Variants in CD96 observed in about 807,000 individuals in gnomAD.
CD96 encodes the protein T-cell surface protein tactile.
A neutral mutation model predicts 71.3 loss-of-function variants in CD96; 70 were observed. That is an observed-to-expected ratio of 0.98 (90% CI 0.81 to 1.20). CD96 has a LOEUF of 1.20. Among genes scored for constraint, CD96 ranks in the 50% most tolerant of loss-of-function variants. CD96 has a pLI of 0.00. For synonymous variants in CD96, 248 were observed against 233.0 expected, an observed-to-expected ratio of 1.06 and a Z score of -0.59; for missense variants, 742 against 677.5, an observed-to-expected ratio of 1.10 and a Z score of -1.06.
At chr3:111,593,628 T>G in intron 5 of CD96, 1 of 1,595,786 alleles carries the variant, frequency 6.3e-7, no homozygotes, top group Non-Finnish European at 8.6e-7. Context: ...ACCTTCCACT[T>G]CATCTCCAGG....
chr3:111,596,701 A>C (rs1372516890), intron 5 of CD96, among the ~76,000 whole-genome samples: 1 of 152,176 alleles, frequency 6.6e-6, no homozygotes, highest in Non-Finnish European at 1.5e-5. Context: ...GATAAAAATC[A>C]ATCTTTGGCA....
chr3:111,625,907 A>G (rs1009343977), intron 10 of CD96, among the ~76,000 whole-genome samples: 5 of 152,246 alleles, frequency 3.3e-5, no homozygotes, highest in Non-Finnish European at 7.3e-5. Flanking sequence ...TTTTACATCA[A>G]GAGATTACAA....
In CD96 at chr3:111,548,437, C is replaced by T. The variant is rs901929377; in HGVS notation, c.418+3035C>T. ...AACAGTGTGAGGTTTGCCTCTTTTTCGCTTTCACTTGACAGAGTTTCCTCC... is the reference window on the plus strand; with the variant it reads ...AACAGTGTGAGGTTTGCCTCTTTTTTGCTTTCACTTGACAGAGTTTCCTCC... On this transcript the variant is annotated intron_variant, in intron 2 of 13. Coordinates refer to ENST00000352690, the MANE Select transcript of CD96 (RefSeq NM_005816.5). 5.3e-5 allele frequency among the ~76,000 whole-genome samples: 8 copies of T among 152,230 alleles called. 1 individual carries two copies. Among genetic ancestry groups the T allele is most frequent in the Admixed American group, 1.3e-4 (2 of 15,286 alleles).
chr3:111,544,406 GT>G (rs1934274398), intron 1 of CD96, among the ~76,000 whole-genome samples: 1 of 152,114 alleles, frequency 6.6e-6, no homozygotes, highest in Non-Finnish European at 1.5e-5. Flanking sequence ...GCCTCCCAAA[GT>G]GCTGGGATTA....
At chr3:111,617,492 A>G (rs1222319339) in intron 8 of CD96, among the ~76,000 whole-genome samples, 1 of 152,206 alleles carries the variant, frequency 6.6e-6, no homozygotes, top group Non-Finnish European at 1.5e-5. Context: ...AGAAGTCAAG[A>G]CTACCAGCTG....
At chr3:111,617,997 C>T (rs1938329544) in intron 8 of CD96, among the ~76,000 whole-genome samples, 1 of 152,250 alleles carries the variant, frequency 6.6e-6, no homozygotes, top group African/African-American at 2.4e-5. Flanking sequence ...GCAGCAGAAA[C>T]TGCTTGCCAT....
intron 12 of CD96, among the ~76,000 whole-genome samples, chr3:111,642,400 A>G (rs1190956897): frequency 6.6e-6 from 1 of 152,224 alleles, no homozygotes; most frequent in Admixed American, 6.5e-5. Flanking sequence ...CCTAGAAGAG[A>G]TGGATAAATT....
intron 7 of CD96, 100 bp downstream of exon 7, chr3:111,601,014 T>C (rs1937473450): frequency 2.5e-6 from 2 of 788,250 alleles, no homozygotes; most frequent in Non-Finnish European, 4.2e-6. Flanking sequence ...AACGTTTTAA[T>C]CTCAGAAAAC....
intron 14 of CD96, among the ~76,000 whole-genome samples, chr3:111,663,090 G>A (rs1244523324): frequency 6.6e-6 from 1 of 152,150 alleles, no homozygotes; most frequent in African/African-American, 2.4e-5. Context: ...CAAACATGGT[G>A]GAAGGGCAAA....
intron 12 of CD96, 123 bp from the exon 13 acceptor site, chr3:111,647,420 T>A: frequency 3.4e-6 from 3 of 894,404 alleles, no homozygotes. Context: ...CATGCCCACC[T>A]CCAGAGTATG....
At chr3:111,565,231 A>C (rs1479250974) in intron 2 of CD96, among the ~76,000 whole-genome samples, 1 of 152,140 alleles carries the variant, frequency 6.6e-6, no homozygotes, top group African/African-American at 2.4e-5. Context: ...CTGCACAGTT[A>C]CTGATAGCAC....
At chr3:111,618,582 CTTTTTTTT>C (rs35004472) in intron 8 of CD96, among the ~76,000 whole-genome samples, 1 of 123,968 alleles carries the variant, frequency 8.1e-6, no homozygotes, top group South Asian at 2.6e-4. Context: ...TTATTTCTCT[CTTTTTTTT>C]TTTTTTTTTT....
chr3:111,642,308 G>C (rs770138712), intron 12 of CD96, among the ~76,000 whole-genome samples: 2 of 152,162 alleles, frequency 1.3e-5, no homozygotes, highest in Non-Finnish European at 2.9e-5. Flanking sequence ...AATGAAATGG[G>C]AGATATTACA....
intron 3 of CD96, among the ~76,000 whole-genome samples, chr3:111,568,845 C>T (rs961393481): frequency 6.6e-6 from 1 of 152,068 alleles, no homozygotes; most frequent in Non-Finnish European, 1.5e-5. Flanking sequence ...ATACAGTAAA[C>T]CCCTAAAACT....
intron 2 of CD96, among the ~76,000 whole-genome samples, chr3:111,555,287 T>G (rs1339801941): frequency 6.6e-6 from 1 of 152,306 alleles, no homozygotes; most frequent in Non-Finnish European, 1.5e-5. Context: ...CATATATAAT[T>G]TTTCATATTT....
chr3:111,582,898 C>A (rs986242458), intron 4 of CD96, among the ~76,000 whole-genome samples: 9 of 152,120 alleles, frequency 5.9e-5, no homozygotes, highest in African/African-American at 2.2e-4. Context: ...ATAATTTCAC[C>A]CATGGCCTGT....
rs570289756 is a variant in CD96 at position 111,602,731 on chromosome 3, G to C, written c.1087+1817G>C. On this transcript the variant is annotated intron_variant, in intron 7 of 13. Coordinates refer to ENST00000352690, the MANE Select transcript of CD96 (RefSeq NM_005816.5). ...GAACTCCGGAGTAAACTTCTGATGTGTGGTGCAAGAGTCATTGCCTTACCA... is the reference window on the plus strand; with the variant it reads ...GAACTCCGGAGTAAACTTCTGATGTCTGGTGCAAGAGTCATTGCCTTACCA... Among the ~76,000 whole-genome samples, 3 of 152,286 alleles carry C rather than the reference G, an allele frequency of 2.0e-5. No individual in the cohort carries two copies. In the South Asian group the frequency reaches 6.2e-4, roughly 32 times the overall value.
chr3:111,544,927 C>A, intron 1 of CD96, 119 bp from the exon 2 acceptor site: 1 of 815,590 alleles, frequency 1.2e-6, no homozygotes, highest in Non-Finnish European at 2.1e-6. Context: ...ATTCCTAAAG[C>A]AGCCAGGGAG....
intron 12 of CD96, among the ~76,000 whole-genome samples, chr3:111,645,467 T>C (rs1392175041): frequency 6.6e-6 from 1 of 152,094 alleles, no homozygotes; most frequent in African/African-American, 2.4e-5. Flanking sequence ...AAATCACCAC[T>C]AAAGAACTTA....
Sources: gnomAD v4.1 joint callset for allele counts (sites outside exome capture counted in the v4.1 genomes callset) on GRCh38, gnomAD v4.1.1 for gene constraint, MANE v1.5 for transcripts, NCBI Gene and HGNC (gene_info 2026-07-23, HGNC 2026-07-21) for gene names.